MAPK8: variants seen among roughly 807,000 people sequenced by gnomAD.
MAPK8 encodes the protein mitogen-activated protein kinase 8, also known as JUN N-terminal kinase.
MAPK8 carries 13 observed loss-of-function variants against 52.9 expected under a neutral mutation model. That is an observed-to-expected ratio of 0.25 (90% CI 0.16 to 0.39). MAPK8 has a LOEUF of 0.39. MAPK8 is among the 10% of genes least tolerant of loss of function. The probability of loss-of-function intolerance (pLI) is 1.00; values close to 1 mark genes in which losing one functional copy is unlikely to be tolerated. For synonymous variants in MAPK8, 191 were observed against 169.8 expected (o/e 1.12, Z -0.97); for missense variants, 300 against 519.2 (o/e 0.58, Z 4.10).
chr10:48,353,054 C>T (rs1006654035), intron 1 of MAPK8, among the ~76,000 whole-genome samples: 3 of 152,012 alleles, frequency 2.0e-5, no homozygotes, highest in African/African-American at 7.3e-5. Flanking sequence ...ATGCATAGGA[C>T]TTGTTGGATG....
intron 5 of MAPK8, among the ~76,000 whole-genome samples, chr10:48,419,543 C>T (rs1164567487): frequency 6.6e-6 from 1 of 152,080 alleles, no homozygotes; most frequent in Non-Finnish European, 1.5e-5. Flanking sequence ...TTAGTGGCAC[C>T]AAGGCAATGG....
rs2045065992 is a variant in MAPK8, at chr10:48,438,810, T to G, written c.*3781T>G. The G allele has an allele frequency of 6.6e-6, 1 of 152,240 alleles. No homozygotes were observed. Among genetic ancestry groups the G allele is most frequent in the African/African-American group, 2.4e-5 (1 of 41,466 alleles). 9.4% of individuals were successfully genotyped at this position (152,240 alleles called of 1,614,324 possible). On this transcript the variant is annotated 3_prime_UTR_variant, in exon 12 of 12. Coordinates refer to ENST00000374189, the MANE Select transcript of MAPK8 (RefSeq NM_001323329.2). Reference sequence around the variant, plus strand: ...GTGTAAAATCTTTGACTGTATGTCTTGCAAAATTGTGCTCGTTGACATTAT... The same window carrying G: ...GTGTAAAATCTTTGACTGTATGTCTGGCAAAATTGTGCTCGTTGACATTAT...
intron 1 of MAPK8, among the ~76,000 whole-genome samples, chr10:48,317,892 G>T (rs895799603): frequency 1.1e-4 from 17 of 152,094 alleles, no homozygotes; most frequent in African/African-American, 4.1e-4. Context: ...TTCATTTAAG[G>T]TTTAAAATCT....
At chr10:48,409,984 G>A (rs1318984335) in intron 4 of MAPK8, 46 bp from the exon 5 acceptor site, 7 of 1,608,118 alleles carry the variant, frequency 4.4e-6, no homozygotes, top group Non-Finnish European at 5.9e-6. Flanking sequence ...ATTTTTCTTA[G>A]ATTGCTGCTG....
At chr10:48,338,055 C>CA (rs1237831957) in intron 1 of MAPK8, among the ~76,000 whole-genome samples, 1 of 151,834 alleles carries the variant, frequency 6.6e-6, no homozygotes, top group Non-Finnish European at 1.5e-5. Flanking sequence ...GAAACTATTC[C>CA]AAAAAAATCA....
At chr10:48,314,381 A>G (rs1054275336) in intron 1 of MAPK8, among the ~76,000 whole-genome samples, 1 of 152,166 alleles carries the variant, frequency 6.6e-6, no homozygotes, top group Non-Finnish European at 1.5e-5. Context: ...TAGGCCTTCA[A>G]CATATGAATT....
intron 3 of MAPK8, 74 bp from the exon 4 acceptor site, chr10:48,409,805 A>G: frequency 2.1e-6 from 2 of 963,024 alleles, no homozygotes; most frequent in Non-Finnish European, 3.2e-6. Flanking sequence ...TTTTTAACTC[A>G]TGTATTTGTA....
chr10:48,389,375 A>G (rs562087597), intron 1 of MAPK8, among the ~76,000 whole-genome samples: 132 of 152,266 alleles, frequency 8.7e-4, no homozygotes, highest in Non-Finnish European at 1.4e-3. Flanking sequence ...ATGAGCACTC[A>G]CCTTAAAGGT....
At chr10:48,316,991 T>G (rs1298948949) in intron 1 of MAPK8, among the ~76,000 whole-genome samples, 3 of 152,152 alleles carry the variant, frequency 2.0e-5, no homozygotes, top group Non-Finnish European at 1.5e-5. Context: ...GTTCTTGTGC[T>G]TTATGTATGT....
At chr10:48,336,282 A>G (rs959966958) in intron 1 of MAPK8, among the ~76,000 whole-genome samples, 2 of 152,202 alleles carry the variant, frequency 1.3e-5, no homozygotes, top group Admixed American at 6.5e-5. Flanking sequence ...CTAAGAAACA[A>G]TGTAGATGAA....
At chr10:48,341,304 G>A (rs928902163) in intron 1 of MAPK8, among the ~76,000 whole-genome samples, 4 of 152,146 alleles carry the variant, frequency 2.6e-5, no homozygotes, top group East Asian at 3.9e-4. Flanking sequence ...AAGAAGAAAC[G>A]TTAGGTGCTT....
At chr10:48,331,812 C>T (rs370047636) in intron 1 of MAPK8, among the ~76,000 whole-genome samples, 1 of 152,128 alleles carries the variant, frequency 6.6e-6, no homozygotes, top group Non-Finnish European at 1.5e-5. Flanking sequence ...ATGGGTGCCC[C>T]TATAATAACT....
At chr10:48,355,457 C>T (rs529342046) in intron 1 of MAPK8, among the ~76,000 whole-genome samples, 1 of 141,502 alleles carries the variant, frequency 7.1e-6, no homozygotes, top group African/African-American at 2.7e-5. Context: ...TGCAGTGAGC[C>T]GAGATTGCGC....
rs1411587164 is a variant in MAPK8 at position 48,437,102 on chromosome 10, TC to T, written c.*2074del. The T allele has an allele frequency of 8.5e-5, 13 of 152,236 alleles. No homozygotes were observed. The South Asian group carries it at 2.1e-3, about 24-fold the overall frequency. 9.4% of individuals were successfully genotyped at this position (152,236 alleles called of 1,614,324 possible). A position where few individuals can be genotyped will look rare whatever the true frequency, so the allele number is the denominator to read the frequency against. On this transcript the variant is annotated 3_prime_UTR_variant, in exon 12 of 12. Coordinates refer to ENST00000374189, the MANE Select transcript of MAPK8 (RefSeq NM_001323329.2). ...AAGGAAAACCAGGTGTGTGTCTGTA[TC>T]ATTTATTGTAAATGCCAGCTGCCAC...
chr10:48,340,856 T>C (rs776566587), intron 1 of MAPK8, among the ~76,000 whole-genome samples: 2 of 152,374 alleles, frequency 1.3e-5, no homozygotes, highest in Non-Finnish European at 2.9e-5. Context: ...CAAATTCTAG[T>C]CACCTTCACC....
intron 1 of MAPK8, among the ~76,000 whole-genome samples, chr10:48,381,005 A>G (rs75763328): frequency 2.6e-5 from 4 of 152,154 alleles, no homozygotes; most frequent in Non-Finnish European, 4.4e-5. Context: ...TGAGCTCAAG[A>G]AAATCTCTCT....
chr10:48,394,134 A>G (rs1005645249), intron 1 of MAPK8, among the ~76,000 whole-genome samples: 2 of 151,990 alleles, frequency 1.3e-5, no homozygotes, highest in African/African-American at 2.4e-5. Context: ...ATGTAGATTT[A>G]TAATTAAAAC....
At chr10:48,337,362 C>T (rs888056835) in intron 1 of MAPK8, among the ~76,000 whole-genome samples, 8 of 149,550 alleles carry the variant, frequency 5.3e-5, no homozygotes, top group Admixed American at 2.0e-4. Context: ...TCCTGAATGA[C>T]GTTTGGCTAA....
At chr10:48,430,214 C>T (rs759690142) in intron 10 of MAPK8, 5 of 152,302 alleles carry the variant, frequency 3.3e-5, no homozygotes, top group African/African-American at 9.6e-5. Flanking sequence ...CTGTCTCAGC[C>T]TCCCGAGTAG....
Sources: allele counts gnomAD v4.1 joint callset (sites outside exome capture counted in the v4.1 genomes callset), GRCh38; gene constraint gnomAD v4.1.1; transcripts MANE v1.5; gene names NCBI Gene and HGNC (gene_info 2026-07-23, HGNC 2026-07-21).